Variants in OASL observed in about 807,000 individuals in gnomAD.
OASL encodes 2'-5'-oligoadenylate synthase-like protein.
In OASL, 28 loss-of-function variants were observed where a neutral mutation model predicts 35.3. That is an observed-to-expected ratio of 0.79 (90% CI 0.59 to 1.09). The LOEUF is 1.09. Among genes scored for constraint, OASL ranks in the 50% least tolerant of loss-of-function variants. OASL has a pLI of 0.00. For synonymous variants in OASL, 252 were observed against 254.6 expected, an observed-to-expected ratio of 0.99 and a Z score of 0.10; for missense variants, 620 against 635.2, an observed-to-expected ratio of 0.98 and a Z score of 0.26.
intron 4 of OASL, among the ~76,000 whole-genome samples, chr12:121,027,091 T>C (rs76102919): frequency 0.013 from 1,991 of 152,266 alleles, 15 homozygotes; most frequent in Non-Finnish European, 0.019. Context: ...AATATAAGCA[T>C]TTACTCAGCA....
intron 1 of OASL, among the ~76,000 whole-genome samples, chr12:121,034,401 A>G (rs1194037377): frequency 6.6e-6 from 1 of 152,076 alleles, no homozygotes; most frequent in African/African-American, 2.4e-5. Context: ...TCCTGGACTC[A>G]AGCGATTTGC....
In OASL at chr12:121,023,715, C is replaced by T. The variant is rs530029342; in HGVS notation, c.1047+275G>A. The T allele has an allele frequency of 3.5e-3, 1,166 of 336,148 alleles. 8 individuals are homozygous for T. The highest frequency in any genetic ancestry group is 3.2e-3 in the Non-Finnish European group (574 of 177,164). 20.8% of individuals were successfully genotyped at this position (336,148 alleles called of 1,614,324 possible). ...AGCTGACTTGGCTGGACCCAACTCA[C>T]GCAAAGAATGATCAGGAACACAGAA... On this transcript the variant is annotated intron_variant, in intron 5 of 5. Coordinates refer to ENST00000257570, the Ensembl canonical transcript of OASL.
intron 5 of OASL, among the ~76,000 whole-genome samples, chr12:121,023,087 AT>A (rs1869313811): frequency 6.6e-6 from 1 of 152,106 alleles, no homozygotes; most frequent in Non-Finnish European, 1.5e-5. Context: ...AATAAAATAG[AT>A]TTTTGTGATC....
chr12:121,026,931 C>T (rs949544723), intron 4 of OASL, among the ~76,000 whole-genome samples: 1 of 151,986 alleles, frequency 6.6e-6, no homozygotes, highest in Non-Finnish European at 1.5e-5. Context: ...TATTTATCCA[C>T]CAACTCCCAC....
At chr12:121,034,860 T>TA (rs1219574092) in intron 1 of OASL, among the ~76,000 whole-genome samples, 1 of 152,128 alleles carries the variant, frequency 6.6e-6, no homozygotes, top group Non-Finnish European at 1.5e-5. Flanking sequence ...CCAGCTGACT[T>TA]AGACAATCTC....
intron 1 of OASL, among the ~76,000 whole-genome samples, chr12:121,035,095 A>G (rs1009510376): frequency 6.6e-6 from 1 of 151,932 alleles, no homozygotes; most frequent in Admixed American, 6.6e-5. Context: ...GGTTGGAGTC[A>G]CTGCACAAGA....
At chr12:121,020,314 T>G in exon 6 of OASL, 1 of 380,814 alleles carries the variant, frequency 2.6e-6, no homozygotes, top group Non-Finnish European at 4.8e-6. Context: ...TTTTTTTATT[T>G]TGTAGAGACG....
intron 1 of OASL, among the ~76,000 whole-genome samples, chr12:121,035,034 G>A (rs1869893879): frequency 6.6e-6 from 1 of 151,776 alleles, no homozygotes; most frequent in Non-Finnish European, 1.5e-5. Flanking sequence ...TGTGTTGGGA[G>A]GTGGAATTGC....
intron 4 of OASL, among the ~76,000 whole-genome samples, chr12:121,025,672 G>A (rs1388587973): frequency 6.6e-6 from 1 of 151,810 alleles, no homozygotes; most frequent in Non-Finnish European, 1.5e-5. Flanking sequence ...TGAGGTGGGA[G>A]GATAGCTTGA....
rs141806824 is a variant in OASL, at chr12:121,035,340, C to G, written c.199-1597G>C. 3.4e-3 allele frequency among the ~76,000 whole-genome samples: 521 copies of G among 152,126 alleles called. 2 individuals carry two copies. The highest frequency in any genetic ancestry group is 0.012 in the African/African-American group (478 of 41,502). Reference sequence around the variant, plus strand: ...AGGAGTTCGAGATCAGCCTGGCCAACATGGTGAAAGCACATCTCTACTAAA... The same window carrying G: ...AGGAGTTCGAGATCAGCCTGGCCAAGATGGTGAAAGCACATCTCTACTAAA... On this transcript the variant is annotated intron_variant, in intron 1 of 5. Coordinates refer to ENST00000257570, the Ensembl canonical transcript of OASL.
chr12:121,030,126 C>G (rs1869664665), intron 3 of OASL, among the ~76,000 whole-genome samples: 2 of 152,212 alleles, frequency 1.3e-5, no homozygotes, highest in African/African-American at 4.8e-5. Context: ...CCTCCTACCT[C>G]AGCCTCCTAA....
chr12:121,023,876 C>A (rs1481368799), intron 5 of OASL, 114 bp downstream of exon 5: 1 of 1,306,080 alleles, frequency 7.7e-7, no homozygotes, highest in African/African-American at 1.5e-5. Flanking sequence ...GGCCCTTAAA[C>A]GGTGACTCTA....
rs779515398 is a variant in OASL at position 121,027,636 on chromosome 12, T to A, written c.839A>T (p.Tyr280Phe). ...AATGATTGCATTGTGGAGTGTGTAGTACTTGGTCCAGTAGATACAGATGAC... is the reference window on the plus strand; with the variant it reads ...AATGATTGCATTGTGGAGTGTGTAGAACTTGGTCCAGTAGATACAGATGAC... The change falls in exon 4 of 6, where the codon TAC (tyrosine) becomes TTC (phenylalanine). Residue 280 changes from tyrosine (Y) to phenylalanine (F), a missense_variant. Transcript: ENST00000257570. 2.5e-6 allele frequency: 4 copies of A among 1,614,184 alleles called. No individual in the cohort carries two copies. In the South Asian group the frequency reaches 4.4e-5, roughly 18 times the overall value.
exon 4 of OASL, chr12:121,027,752 G>A (rs1225151440): frequency 2.5e-6 from 4 of 1,614,058 alleles, no homozygotes; most frequent in Non-Finnish European, 3.4e-6. Flanking sequence ...CCCAGGCATA[G>A]ATGGTTAGAA....
intron 5 of OASL, 44 bp downstream of exon 5, chr12:121,023,946 G>A (rs768609158): frequency 8.7e-6 from 14 of 1,608,808 alleles, no homozygotes; most frequent in Non-Finnish European, 1.2e-5. Flanking sequence ...TTTATCTGTC[G>A]TTCTGACCTT....
At position 121,026,850 on chromosome 12, in the gene OASL, T is replaced by TCAAAAAAAAAAAAAAA. The variant is rs1164228180; in HGVS notation, c.899+725_899+726insTTTTTTTTTTTTTTTG. 3.3e-5 allele frequency among the ~76,000 whole-genome samples: 5 copies of TCAAAAAAAAAAAAAAA among 149,626 alleles called. No individual in the cohort carries two copies. The East Asian group carries it at 8.2e-4, about 25-fold the overall frequency. ...CTGGGTGACAGAGCAAAACTCTGTC[T>TCAAAAAAAAAAAAAAA]TAAAAAAAAAAAAAAAAAGTTACGC... On this transcript the variant is annotated intron_variant, in intron 4 of 5. Coordinates refer to ENST00000257570, the Ensembl canonical transcript of OASL.
intron 3 of OASL, among the ~76,000 whole-genome samples, chr12:121,030,980 T>TA (rs1166795917): frequency 2.7e-5 from 4 of 150,430 alleles, no homozygotes; most frequent in Admixed American, 6.6e-5. Flanking sequence ...AAAAGAAAAA[T>TA]AAAAAAAATT....
At chr12:121,031,206 G>A (rs1407017954) in intron 3 of OASL, among the ~76,000 whole-genome samples, 1 of 151,938 alleles carries the variant, frequency 6.6e-6, no homozygotes, top group Non-Finnish European at 1.5e-5. Flanking sequence ...AAATACTGTA[G>A]AGCACCTATT....
intron 5 of OASL, among the ~76,000 whole-genome samples, chr12:121,023,285 TTCTTTTTTTC>T (rs1186711090): frequency 1.1e-5 from 1 of 91,604 alleles, no homozygotes; most frequent in African/African-American, 3.0e-5. Flanking sequence ...TCTTTTTTTT[TTCTTTTTTTC>T]TTTTTTTTTT....
Sources: allele counts gnomAD v4.1 joint callset (sites outside exome capture counted in the v4.1 genomes callset), GRCh38; gene constraint gnomAD v4.1.1; transcripts MANE v1.5; gene names NCBI Gene and HGNC (gene_info 2026-07-23, HGNC 2026-07-21).